The following CTNNA2 variants were observed in gnomAD, a reference collection of about 807,000 sequenced individuals.
The protein encoded by CTNNA2 is catenin alpha 2.
In CTNNA2, 42 loss-of-function variants were observed where a neutral mutation model predicts 101.0. The ratio of observed to expected loss-of-function variants is 0.42; its 90% CI spans 0.32 to 0.54. CTNNA2 has a LOEUF of 0.54. Among genes scored for constraint, CTNNA2 ranks in the 20% least tolerant of loss-of-function variants. The pLI, the probability that CTNNA2 is intolerant of heterozygous loss-of-function variation, is 0.14. For synonymous variants in CTNNA2, 450 were observed against 456.4 expected, an observed-to-expected ratio of 0.99 and a Z score of 0.18; for missense variants, 871 against 1,223.1, an observed-to-expected ratio of 0.71 and a Z score of 4.29.
intron 7 of CTNNA2, chr2:80,313,560 A>AGATG (rs1558996852): frequency 6.2e-7 from 1 of 1,611,046 alleles, no homozygotes; most frequent in East Asian, 2.2e-5. Context: ...CGAATTGACC[A>AGATG]GATGGATGGA....
In CTNNA2 at chr2:80,099,473, A is replaced by C. The variant is rs187352197; in HGVS notation, c.1056+189676A>C. ...GTGGTCAGAAATCCTCTCTTGCGAG[A>C]AACAATTGAAGCAACCAATTTCATT... is the stretch of plus-strand genomic sequence containing the variant. On this transcript the variant is annotated intron_variant, in intron 7 of 18. Coordinates refer to ENST00000402739, the MANE Select transcript of CTNNA2 (RefSeq NM_001282597.3). Among the ~76,000 whole-genome samples the C allele has an allele frequency of 2.7e-4, 41 of 152,296 alleles. 1 individual carries two copies. Among genetic ancestry groups the C allele is most frequent in the African/African-American group, 9.4e-4 (39 of 41,568 alleles).
chr2:79,875,627 A>T (rs1035895363), intron 6 of CTNNA2, among the ~76,000 whole-genome samples: 2 of 152,120 alleles, frequency 1.3e-5, no homozygotes, highest in African/African-American at 2.4e-5. Flanking sequence ...TAATTTTAAC[A>T]GTTCATACTC....
At chr2:79,300,260 A>G (rs1676078195) in intron 2 of CTNNA2, among the ~76,000 whole-genome samples, 2 of 152,188 alleles carry the variant, frequency 1.3e-5, no homozygotes, top group Admixed American at 6.5e-5. Context: ...CCAGAATGCC[A>G]TAGAGCTGGA....
chr2:79,770,397 A>G (rs1673489893), intron 3 of CTNNA2, among the ~76,000 whole-genome samples: 1 of 152,212 alleles, frequency 6.6e-6, no homozygotes, highest in Admixed American at 6.5e-5. Flanking sequence ...GAAGTGCATC[A>G]TTTTTTAGAC....
chr2:79,791,316 A>G (rs143593965), intron 3 of CTNNA2, among the ~76,000 whole-genome samples: 2,940 of 152,070 alleles, frequency 0.019, 87 homozygotes, highest in African/African-American at 0.066. Flanking sequence ...AATCCAGTTT[A>G]TTTTTCCCAT....
chr2:79,990,575 T>C (rs1448741567), intron 7 of CTNNA2, among the ~76,000 whole-genome samples: 1 of 152,184 alleles, frequency 6.6e-6, no homozygotes, highest in African/African-American at 2.4e-5. Flanking sequence ...GTAAAATAGG[T>C]ATAAATAATA....
At chr2:80,029,906 C>T (rs1212843284) in intron 7 of CTNNA2, among the ~76,000 whole-genome samples, 1 of 151,952 alleles carries the variant, frequency 6.6e-6, no homozygotes, top group Non-Finnish European at 1.5e-5. Context: ...GAGCAGGCAT[C>T]GAGCTGGATA....
At chr2:79,395,936 C>A (rs78336600) in intron 4 of CTNNA2, among the ~76,000 whole-genome samples, 2,305 of 152,248 alleles carry the variant, frequency 0.015, 63 homozygotes, top group African/African-American at 0.052. Flanking sequence ...CAAAGACTAG[C>A]ACATAGTACA....
At chr2:80,358,241 C>T (rs556175095) in intron 7 of CTNNA2, among the ~76,000 whole-genome samples, 7 of 151,526 alleles carry the variant, frequency 4.6e-5, no homozygotes, top group Non-Finnish European at 1.0e-4. Context: ...TTAACCATTG[C>T]TTACTAGTAT....
At position 79,874,268 on chromosome 2, in the gene CTNNA2, G is replaced by A. The variant is rs1682827705; in HGVS notation, c.778G>A (p.Ala260Thr). ...AIAGISNAAQ[A>T]TSPTDEAKGH... The stretch of plus-strand genomic sequence containing the variant: ...CGCCGGCATCTCCAATGCTGCTCAA[G>A]CTACCTCGCCCACTGACGAAGCCAA... Residue 260 changes from alanine to threonine, a missense_variant, in exon 6 of 19, where the codon GCT (alanine) becomes ACT (threonine). By Grantham distance (58) the Ala-to-Thr change is moderately conservative. Coordinates refer to ENST00000402739, the MANE Select transcript of CTNNA2 (RefSeq NM_001282597.3). 2 of 1,614,012 alleles carry A rather than the reference G, an allele frequency of 1.2e-6. No individual in the cohort carries two copies. Among genetic ancestry groups the A allele is most frequent in the Admixed American group, 1.7e-5 (1 of 59,982 alleles).
intron 7 of CTNNA2, among the ~76,000 whole-genome samples, chr2:80,371,658 A>G (rs565389054): frequency 6.0e-4 from 92 of 152,212 alleles, no homozygotes; most frequent in Non-Finnish European, 9.1e-4. Context: ...ACAGTGGTCA[A>G]TGTTATTGAA....
intron 7 of CTNNA2, among the ~76,000 whole-genome samples, chr2:80,183,963 A>G (rs555612696): frequency 6.6e-6 from 1 of 152,110 alleles, no homozygotes; most frequent in South Asian, 2.1e-4. Flanking sequence ...CAAGTCATCA[A>G]CTTGTGAGCT....
intron 2 of CTNNA2, among the ~76,000 whole-genome samples, chr2:79,228,840 G>A (rs1342946711): frequency 6.6e-6 from 1 of 152,076 alleles, no homozygotes; most frequent in African/African-American, 2.4e-5. Context: ...CAAATGTAAA[G>A]AAGGGTATCT....
At chr2:79,497,574 C>T (rs1671272338) in intron 4 of CTNNA2, among the ~76,000 whole-genome samples, 1 of 152,136 alleles carries the variant, frequency 6.6e-6, no homozygotes, top group African/African-American at 2.4e-5. Context: ...AACTCACTCC[C>T]TTTGGTGTCC....
intron 9 of CTNNA2, among the ~76,000 whole-genome samples, chr2:80,462,819 GTTTC>G (rs1684553533): frequency 6.6e-6 from 1 of 151,480 alleles, no homozygotes; most frequent in Non-Finnish European, 1.5e-5. Context: ...TCTCTATTCG[GTTTC>G]TTTCTTGTCT....
intron 6 of CTNNA2, among the ~76,000 whole-genome samples, chr2:79,880,031 G>T (rs547830042): frequency 2.0e-5 from 3 of 152,220 alleles, no homozygotes; most frequent in African/African-American, 4.8e-5. Flanking sequence ...AATGTGAAGC[G>T]ATGTTGAATT....
At chr2:79,313,031 A>G (rs940401360) in intron 3 of CTNNA2, among the ~76,000 whole-genome samples, 1 of 152,236 alleles carries the variant, frequency 6.6e-6, no homozygotes, top group East Asian at 1.9e-4. Flanking sequence ...GTATCTCACA[A>G]GAAACTAAAG....
At chr2:79,737,721 G>A (rs1350693417) in intron 2 of CTNNA2, among the ~76,000 whole-genome samples, 1 of 152,210 alleles carries the variant, frequency 6.6e-6, no homozygotes, top group Non-Finnish European at 1.5e-5. Flanking sequence ...CTCACTTGGA[G>A]TATCAGTGTG....
intron 2 of CTNNA2, among the ~76,000 whole-genome samples, chr2:79,672,761 T>A (rs1682930765): frequency 6.6e-6 from 1 of 150,526 alleles, no homozygotes; most frequent in South Asian, 2.1e-4. Flanking sequence ...CAGGCTGGAA[T>A]GCAGTGGCAC....
Sources: gnomAD v4.1 joint callset for allele counts (sites outside exome capture counted in the v4.1 genomes callset) on GRCh38, gnomAD v4.1.1 for gene constraint, MANE v1.5 for transcripts, NCBI Gene and HGNC (gene_info 2026-07-23, HGNC 2026-07-21) for gene names.